Variants in ATP8A2 observed in about 807,000 individuals in gnomAD.
ATP8A2 encodes the protein phospholipid-transporting ATPase IB.
Under a neutral mutation model 165.6 loss-of-function variants are expected in ATP8A2, and 100 were observed. That is an observed-to-expected ratio of 0.60 (90% confidence interval 0.51 to 0.71). The LOEUF is 0.71. Ranked by LOEUF, ATP8A2 falls within the 30% of genes least tolerant of loss-of-function variation. The pLI is 0.00. For synonymous variants in ATP8A2, 543 were observed against 548.8 expected (o/e 0.99, Z 0.15); for missense variants, 1,227 against 1,479.5 (o/e 0.83, Z 2.80).
At chr13:25,733,191 G>A (rs1224212026) in intron 25 of ATP8A2, among the ~76,000 whole-genome samples, 2 of 152,104 alleles carry the variant, frequency 1.3e-5, no homozygotes, top group Non-Finnish European at 2.9e-5. Flanking sequence ...TTATTTCATA[G>A]CATAATAAAG....
intron 2 of ATP8A2, among the ~76,000 whole-genome samples, chr13:25,484,803 G>A (rs1424661527): frequency 2.0e-5 from 3 of 152,134 alleles, no homozygotes; most frequent in Non-Finnish European, 4.4e-5. Flanking sequence ...AGGCGTGAGC[G>A]ACCGCAACCG....
At chr13:25,910,399 G>A (rs575518461) in intron 33 of ATP8A2, among the ~76,000 whole-genome samples, 1 of 152,286 alleles carries the variant, frequency 6.6e-6, no homozygotes, top group East Asian at 1.9e-4. Context: ...TTAAGTCAAT[G>A]TAAAGAGAAG....
At chr13:25,585,831 A>C (rs1169405937) in intron 23 of ATP8A2, among the ~76,000 whole-genome samples, 1 of 152,176 alleles carries the variant, frequency 6.6e-6, no homozygotes, top group Non-Finnish European at 1.5e-5. Context: ...TTTTTCACAG[A>C]AGATTCAGTC....
At chr13:25,550,300 A>G (rs1392530464) in intron 10 of ATP8A2, among the ~76,000 whole-genome samples, 1 of 152,096 alleles carries the variant, frequency 6.6e-6, no homozygotes, top group African/African-American at 2.4e-5. Flanking sequence ...GTGAGACTCC[A>G]TCTCAAAAAA....
intron 33 of ATP8A2, among the ~76,000 whole-genome samples, chr13:25,864,921 T>G (rs560562153): frequency 2.0e-5 from 3 of 152,236 alleles, no homozygotes; most frequent in African/African-American, 7.2e-5. Flanking sequence ...CACAGCCAAC[T>G]TTTACACTGT....
At chr13:25,569,008 A>C (rs144354432) in intron 16 of ATP8A2, among the ~76,000 whole-genome samples, 1 of 152,140 alleles carries the variant, frequency 6.6e-6, no homozygotes, top group East Asian at 1.9e-4. Context: ...TTGTGTGTGC[A>C]ATTCTTTATA....
At chr13:25,785,590 A>C (rs2138376156) in intron 27 of ATP8A2, among the ~76,000 whole-genome samples, 1 of 152,202 alleles carries the variant, frequency 6.6e-6, no homozygotes, top group South Asian at 2.1e-4. Context: ...TAGTTGTCTA[A>C]AACTTTTGAA....
chr13:25,372,847 A>G lies in ATP8A2; in HGVS notation c.76+559A>G, dbSNP rs1413279967. On this transcript the variant is annotated intron_variant, in intron 1 of 36. Transcript: ENST00000381655. The surrounding 1 kb of genome is among the most constrained non-coding windows in gnomAD (Gnocchi z 4.8). ...CTCATAACCATCCGTGCATACAACC[A>G]TCTGGAGACGAACACACACACGCAC... 6.6e-6 allele frequency among the ~76,000 whole-genome samples: 1 copy of G among 152,106 alleles called. No homozygotes were observed. Among genetic ancestry groups the G allele is most frequent in the Non-Finnish European group, 1.5e-5 (1 of 68,004 alleles).
chr13:25,986,339 A>G (rs1426080315), intron 35 of ATP8A2, among the ~76,000 whole-genome samples: 1 of 152,250 alleles, frequency 6.6e-6, no homozygotes, highest in Admixed American at 6.5e-5. Flanking sequence ...CTGAAAGGTT[A>G]TACCTTTGGC....
chr13:25,733,920 A>G (rs780405108), intron 25 of ATP8A2, among the ~76,000 whole-genome samples: 1 of 152,126 alleles, frequency 6.6e-6, no homozygotes, highest in Non-Finnish European at 1.5e-5. Context: ...TCAGTACCTT[A>G]TGGCACAGCT....
rs182400743 is a variant in ATP8A2 at position 25,559,070 on chromosome 13, G to A, written c.1352+9G>A. The A allele has an allele frequency of 1.3e-6, 2 of 1,570,314 alleles. No individual in the cohort carries two copies. Among genetic ancestry groups the A allele is most frequent in the East Asian group, 2.3e-5 (1 of 44,432 alleles). On this transcript the variant is annotated intron_variant, in intron 14 of 36. Transcript: ENST00000381655. ...GCCGGAGTAACCTATGGGTCAGTGT[G>A]TTTATCATTTACTGAAAATTTACTT...
At chr13:25,717,526 T>C (rs993360482) in intron 25 of ATP8A2, among the ~76,000 whole-genome samples, 3 of 151,586 alleles carry the variant, frequency 2.0e-5, no homozygotes, top group Non-Finnish European at 4.4e-5. Context: ...CACAAAACTA[T>C]GAAACTGGGT....
chr13:25,739,950 A>G (rs1006198282), intron 25 of ATP8A2, among the ~76,000 whole-genome samples: 7 of 152,250 alleles, frequency 4.6e-5, no homozygotes, highest in Non-Finnish European at 1.0e-4. Context: ...ATTTGGATGT[A>G]TACATTGCAC....
Position 25,838,601 on chromosome 13 carries a change from T to G in ATP8A2, c.2878-945T>G, listed in dbSNP as rs1042496403. On this transcript the variant is annotated intron_variant, in intron 29 of 36. Transcript: ENST00000381655. ...TTTTAAGTAGAGAGGTCAGAGATGG[T>G]GCAAAATGAACATTTAAAGCAGGGG... 4.6e-5 allele frequency among the ~76,000 whole-genome samples: 7 copies of G among 151,330 alleles called. 1 individual carries two copies. Among genetic ancestry groups the G allele is most frequent in the Non-Finnish European group, 1.0e-4 (7 of 67,902 alleles).
At chr13:25,929,220 C>T (rs1954695943) in intron 33 of ATP8A2, among the ~76,000 whole-genome samples, 1 of 152,078 alleles carries the variant, frequency 6.6e-6, no homozygotes, top group South Asian at 2.1e-4. Flanking sequence ...TGGAGAGCAC[C>T]AGGGAAGTCA....
At chr13:25,789,612 T>C (rs979513879) in intron 27 of ATP8A2, among the ~76,000 whole-genome samples, 1 of 152,216 alleles carries the variant, frequency 6.6e-6, no homozygotes, top group Non-Finnish European at 1.5e-5. Flanking sequence ...AAACATTCCA[T>C]GTTCATGGAT....
intron 25 of ATP8A2, among the ~76,000 whole-genome samples, chr13:25,738,340 T>C (rs71431762): frequency 0.023 from 2,263 of 98,136 alleles, 16 homozygotes; most frequent in Non-Finnish European, 0.031. Context: ...TGTGCCCCCC[T>C]CCCCCCCCCC....
At chr13:26,010,358 C>T (rs1319570013) in intron 35 of ATP8A2, among the ~76,000 whole-genome samples, 1 of 152,208 alleles carries the variant, frequency 6.6e-6, no homozygotes, top group Non-Finnish European at 1.5e-5. Flanking sequence ...AGGCATGTCC[C>T]TGTGGTCCAG....
At chr13:25,979,152 AG>A (rs769767285) in intron 35 of ATP8A2, among the ~76,000 whole-genome samples, 1 of 152,206 alleles carries the variant, frequency 6.6e-6, no homozygotes, top group Non-Finnish European at 1.5e-5. Flanking sequence ...GTCAAGGTCC[AG>A]TTAGGTCACG....
Sources: allele counts gnomAD v4.1 joint callset (sites outside exome capture counted in the v4.1 genomes callset), GRCh38; gene constraint gnomAD v4.1.1; non-coding constraint Gnocchi (gnomAD v3.1); transcripts MANE v1.5; gene names NCBI Gene and HGNC (gene_info 2026-07-23, HGNC 2026-07-21).